ZNF736: variants seen among roughly 807,000 people sequenced by gnomAD.
ZNF736 encodes KRAB-containing zinc-finger repressor protein.
In ZNF736, 6 loss-of-function variants were observed where a neutral mutation model predicts 11.7. The ratio of observed to expected loss-of-function variants is 0.51; its 90% CI spans 0.28 to 1.01. The LOEUF (loss-of-function observed/expected upper bound fraction) is 1.01. Among genes scored for constraint, ZNF736 ranks in the 50% least tolerant of loss-of-function variants. The pLI, the probability that ZNF736 is intolerant of heterozygous loss-of-function variation, is 0.09. For missense variants in ZNF736, 444 were observed against 496.0 expected (o/e 0.90, Z 1.00); for synonymous variants, 139 against 164.7 (o/e 0.84, Z 1.19).
rs1178495843 is a variant in ZNF736 at position 64,356,473 on chromosome 7, A to T, written c.*7326A>T. ...AATGTTTTTAAGTTGCCTATTTTTA[A>T]AAAAATCTATCAATTTTGAATTGCA... is the stretch of plus-strand genomic sequence containing the variant. On this transcript the variant is annotated 3_prime_UTR_variant, in exon 4 of 4. Coordinates refer to ENST00000423484, the MANE Select transcript of ZNF736 (RefSeq NM_001170905.3). Among the ~76,000 whole-genome samples the T allele has an allele frequency of 3.3e-5, 5 of 152,158 alleles. No individual in the cohort carries two copies. Among genetic ancestry groups the T allele is most frequent in the East Asian group, 3.8e-4 (2 of 5,200 alleles).
At chr7:64,345,209 A>G (rs757856684) in intron 3 of ZNF736, among the ~76,000 whole-genome samples, 2 of 150,332 alleles carry the variant, frequency 1.3e-5, no homozygotes, top group African/African-American at 2.4e-5. Flanking sequence ...TTTCTAGTAG[A>G]GACGGGGTTT....
Position 64,339,766 on chromosome 7 carries a change from A to G in ZNF736, c.226+2784A>G, listed in dbSNP as rs1485267377. Reference sequence around the variant, plus strand: ...ATCCTCAAAACTGCTTTGGATATTCAGTGTTTCTTGTAATTCCATATAAAT... The same window carrying G: ...ATCCTCAAAACTGCTTTGGATATTCGGTGTTTCTTGTAATTCCATATAAAT... On this transcript the variant is annotated intron_variant, in intron 3 of 3. Transcript: ENST00000423484. Among the ~76,000 whole-genome samples the G allele has an allele frequency of 2.2e-5, 3 of 137,790 alleles. No individual in the cohort carries two copies. In the East Asian group the frequency reaches 5.8e-4, roughly 27 times the overall value. 90.4% of individuals were successfully genotyped at this position (137,790 alleles called of 152,430 possible). A position where few individuals can be genotyped will look rare whatever the true frequency, so the allele number is the denominator to read the frequency against.
chr7:64,322,058 C>T (rs1789010858), intron 1 of ZNF736, among the ~76,000 whole-genome samples: 1 of 151,738 alleles, frequency 6.6e-6, no homozygotes. Flanking sequence ...AATGAAATAG[C>T]TGGATCATAT....
intron 1 of ZNF736, among the ~76,000 whole-genome samples, chr7:64,333,918 A>G (rs1326650293): frequency 1.3e-5 from 2 of 152,180 alleles, no homozygotes; most frequent in African/African-American, 4.8e-5. Flanking sequence ...AGTAACCAAA[A>G]CAGCATGGTA....
intron 1 of ZNF736, among the ~76,000 whole-genome samples, chr7:64,314,839 G>A (rs1788889774): frequency 1.3e-5 from 2 of 152,204 alleles, no homozygotes; most frequent in Non-Finnish European, 2.9e-5. Flanking sequence ...CTCCTAAAGT[G>A]CCGGGATTAC....
rs1264782632 is a variant in ZNF736, at chr7:64,348,085, T to G, written c.227-5T>G. ...ATGAGGGAGAATTTTATTTTTTTTCTCCAGCTGGTTCTTTTCATTTTACTG... is the reference window on the plus strand; with the variant it reads ...ATGAGGGAGAATTTTATTTTTTTTCGCCAGCTGGTTCTTTTCATTTTACTG... On this transcript the variant is annotated splice_region_variant and splice_polypyrimidine_tract_variant and intron_variant, in intron 3 of 3. Transcript: ENST00000423484. The G allele has an allele frequency of 6.7e-7, 1 of 1,483,682 alleles. No homozygotes were observed. Among genetic ancestry groups the G allele is most frequent in the Non-Finnish European group, 8.9e-7 (1 of 1,121,990 alleles). 91.9% of individuals were successfully genotyped at this position (1,483,682 alleles called of 1,614,324 possible). A position where few individuals can be genotyped will look rare whatever the true frequency, so the allele number is the denominator to read the frequency against.
At chr7:64,333,199 C>T (rs924147250) in intron 1 of ZNF736, among the ~76,000 whole-genome samples, 9 of 152,178 alleles carry the variant, frequency 5.9e-5, no homozygotes, top group Non-Finnish European at 8.8e-5. Flanking sequence ...CCTGACTTCC[C>T]GCAACACGCT....
intron 1 of ZNF736, among the ~76,000 whole-genome samples, chr7:64,330,116 A>C (rs1789140892): frequency 6.6e-6 from 1 of 151,468 alleles, no homozygotes; most frequent in Admixed American, 6.6e-5. Context: ...CTTGTGGTGA[A>C]CTCTGCCAGG....
intron 3 of ZNF736, among the ~76,000 whole-genome samples, chr7:64,344,355 C>G (rs1179743632): frequency 6.6e-6 from 1 of 152,104 alleles, no homozygotes; most frequent in South Asian, 2.1e-4. Flanking sequence ...TTATATAGTT[C>G]AGCTTTGTTA....
chr7:64,314,169 G>A lies in ZNF736; in HGVS notation c.3+16G>A. ...CTGGGAAATGGTGAGTGCGTGGAGT[G>A]GGTGTCCCGAGAATGGGGAAGAGGC... On this transcript the variant is annotated intron_variant, in intron 1 of 3. Coordinates refer to ENST00000423484, the MANE Select transcript of ZNF736 (RefSeq NM_001170905.3). 6.4e-7 allele frequency: 1 copy of A among 1,551,940 alleles called. No individual in the cohort carries two copies. Among genetic ancestry groups the A allele is most frequent in the Middle Eastern group, 1.7e-4 (1 of 5,992 alleles).
intron 1 of ZNF736, among the ~76,000 whole-genome samples, chr7:64,315,874 A>G (rs1257717862): frequency 1.3e-5 from 2 of 152,144 alleles, no homozygotes; most frequent in African/African-American, 4.8e-5. Context: ...CGGATGTGGC[A>G]TTTTGTTTAT....
chr7:64,339,818 G>A (rs1400922922), intron 3 of ZNF736, among the ~76,000 whole-genome samples: 4 of 151,892 alleles, frequency 2.6e-5, no homozygotes, highest in African/African-American at 4.8e-5. Context: ...CTATTACTTC[G>A]AAAAATTGTA....
In ZNF736 at chr7:64,348,191, A is replaced by C; in HGVS notation, c.328A>C (p.Asn110His). 6.4e-7 allele frequency: 1 copy of C among 1,551,504 alleles called. No individual in the cohort carries two copies. Among genetic ancestry groups the C allele is most frequent in the Non-Finnish European group, 8.7e-7 (1 of 1,146,848 alleles). ...LRKYGSCDLN[N>H]LHLKKDYQSV... ...AAAATATGGAAGCTGTGACCTTAAT[A>C]ATTTACATTTAAAGAAAGACTACCA... The change falls in exon 4 of 4, where the codon AAT becomes CAT. Residue 110 changes from asparagine (N) to histidine (H), a missense_variant. Asn to His is a moderately conservative substitution (Grantham distance 68). Coordinates refer to ENST00000423484, the MANE Select transcript of ZNF736 (RefSeq NM_001170905.3).
At chr7:64,323,813 A>G (rs1197207730) in intron 1 of ZNF736, among the ~76,000 whole-genome samples, 1 of 152,196 alleles carries the variant, frequency 6.6e-6, no homozygotes, top group East Asian at 1.9e-4. Context: ...TGATCTGTGC[A>G]GCAAAGTACC....
At chr7:64,317,237 C>CT (rs1788930556) in intron 1 of ZNF736, among the ~76,000 whole-genome samples, 1 of 151,848 alleles carries the variant, frequency 6.6e-6, no homozygotes, top group Non-Finnish European at 1.5e-5. Flanking sequence ...GAATCAGTAG[C>CT]TTTTTTTTGA....
chr7:64,335,168 G>A (rs1410734272), intron 1 of ZNF736, among the ~76,000 whole-genome samples: 1 of 152,122 alleles, frequency 6.6e-6, no homozygotes. Flanking sequence ...GGGAAGGAGA[G>A]CAATAGGACA....
chr7:64,328,290 A>C (rs1300406155), intron 1 of ZNF736, among the ~76,000 whole-genome samples: 1 of 148,398 alleles, frequency 6.7e-6, no homozygotes, highest in Non-Finnish European at 1.5e-5. Context: ...TTTTTGCTGG[A>C]TGTATTATTC....
At position 64,348,603 on chromosome 7, in the gene ZNF736, A is replaced by C. The variant is rs1276618221; in HGVS notation, c.740A>C (p.His247Pro). 6.3e-7 allele frequency: 1 copy of C among 1,599,894 alleles called. No homozygotes were observed. Among genetic ancestry groups the C allele is most frequent in the Non-Finnish European group, 8.5e-7 (1 of 1,173,102 alleles). The change falls in exon 4 of 4, where the codon CAC becomes CCC. Residue 247 changes from histidine to proline, a missense_variant. By Grantham distance (77) the His-to-Pro change is moderately conservative. Coordinates refer to ENST00000423484, the MANE Select transcript of ZNF736 (RefSeq NM_001170905.3). Reference sequence around the variant, plus strand: ...ACCTGCTCCTCAACCCTTGTTAAACACAAGAGAAATCATACTGGAGACAGA... The same window carrying C: ...ACCTGCTCCTCAACCCTTGTTAAACCCAAGAGAAATCATACTGGAGACAGA... ...TFTCSSTLVK[H>P]KRNHTGDRPY...
At position 64,348,554 on chromosome 7, in the gene ZNF736, T is replaced by TG. The variant is rs774905954; in HGVS notation, c.692dup (p.Cys231TrpfsTer2). 6.3e-7 allele frequency: 1 copy of TG among 1,586,946 alleles called. No homozygotes were observed. Among genetic ancestry groups the TG allele is most frequent in the Non-Finnish European group, 8.6e-7 (1 of 1,166,474 alleles). On this transcript the variant is annotated frameshift_variant, in exon 4 of 4. Coordinates refer to ENST00000423484, the MANE Select transcript of ZNF736 (RefSeq NM_001170905.3). LOFTEE classifies it low-confidence loss of function (END_TRUNC). ...TCATACTGGAGAGAAACCTTACAAATGTGAAGGATGTGGCAAAACTTTTAC... is the reference window on the plus strand; with the variant it reads ...TCATACTGGAGAGAAACCTTACAAATGGTGAAGGATGTGGCAAAACTTTTAC...
Sources: allele counts gnomAD v4.1 joint callset (sites outside exome capture counted in the v4.1 genomes callset), GRCh38; gene constraint gnomAD v4.1.1; transcripts MANE v1.5; gene names NCBI Gene and HGNC (gene_info 2026-07-23, HGNC 2026-07-21).